The following ANK2 variants were observed in gnomAD, a reference collection of about 807,000 sequenced individuals.
The protein encoded by ANK2 is ankyrin 2.
A neutral mutation model predicts 360.5 loss-of-function variants in ANK2; 83 were observed. The observed-to-expected ratio is 0.23, with a 90% CI of 0.19 to 0.28. The LOEUF is 0.28. Among genes scored for constraint, ANK2 ranks in the 10% least tolerant of loss-of-function variants. The probability of loss-of-function intolerance (pLI) is 1.00; values close to 1 mark genes in which losing one functional copy is unlikely to be tolerated. For missense variants in ANK2, 4,201 were observed against 4,795.7 expected, an observed-to-expected ratio of 0.88 and a Z score of 3.66; for synonymous variants, 1,740 against 1,759.5, an observed-to-expected ratio of 0.99 and a Z score of 0.28.
At chr4:113,130,388 G>A (rs1427291196) in intron 1 of ANK2, among the ~76,000 whole-genome samples, 1 of 151,508 alleles carries the variant, frequency 6.6e-6, no homozygotes, top group South Asian at 2.1e-4. Context: ...AATTTATCTT[G>A]GTAAAATATT....
intron 1 of ANK2, among the ~76,000 whole-genome samples, chr4:112,834,150 A>G (rs1579311986): frequency 6.6e-6 from 1 of 152,058 alleles, no homozygotes. Context: ...CGTATAATGG[A>G]CCCCCAGGTA....
chr4:112,791,249 G>T, the ANK2 span, among the ~76,000 whole-genome samples: 5 of 152,140 alleles, frequency 3.3e-5, no homozygotes, highest in Admixed American at 6.5e-5. Context: ...CACCTGTCTG[G>T]AATATTGTAG....
chr4:113,187,932 T>C (rs1017552712), intron 2 of ANK2, among the ~76,000 whole-genome samples: 2 of 152,206 alleles, frequency 1.3e-5, no homozygotes, highest in Non-Finnish European at 2.9e-5. Flanking sequence ...GTTTATTGCA[T>C]GCCTATTACA....
intron 2 of ANK2, among the ~76,000 whole-genome samples, chr4:112,906,055 T>G (rs941273712): frequency 6.6e-6 from 1 of 152,234 alleles, no homozygotes; most frequent in African/African-American, 2.4e-5. Context: ...TTTGCTTCAT[T>G]TGAGACTTCC....
chr4:112,719,512 A>G, the ANK2 span, among the ~76,000 whole-genome samples: 1 of 152,018 alleles, frequency 6.6e-6, no homozygotes. Context: ...GTGGATCACG[A>G]GGTCAGGAGA....
chr4:113,357,261 A>G lies in ANK2; in HGVS notation c.8643A>G (p.Glu2881=), dbSNP rs1157740411. 3.7e-6 allele frequency: 6 copies of G among 1,613,972 alleles called. No individual in the cohort carries two copies. The African/African-American group carries it at 8.0e-5, about 22-fold the overall frequency. The change falls in exon 38 of 46, where the codon GAA becomes GAG. Residue 2881 remains glutamate (E), a synonymous_variant. Transcript: ENST00000357077. ...AAACAGAGGTCACAAAAACTGATGAAACATTTGAGAACTTACCAAAGGACT... is the reference window on the plus strand; with the variant it reads ...AAACAGAGGTCACAAAAACTGATGAGACATTTGAGAACTTACCAAAGGACT... The part of the protein sequence containing the change: ...IQKTEVTKTD[E]TFENLPKDCP...
At chr4:112,775,142 G>T in the ANK2 span, among the ~76,000 whole-genome samples, 1 of 152,122 alleles carries the variant, frequency 6.6e-6, no homozygotes, top group Non-Finnish European at 1.5e-5. Flanking sequence ...AGAGAGTAGG[G>T]CATAAAGAGA....
chr4:112,772,612 G>A, the ANK2 span, among the ~76,000 whole-genome samples: 1 of 152,152 alleles, frequency 6.6e-6, no homozygotes, highest in African/African-American at 2.4e-5. Context: ...TCAAGAAATA[G>A]TCTGAAGGGA....
At chr4:113,279,679 TAATA>T (rs2061517081) in intron 17 of ANK2, among the ~76,000 whole-genome samples, 1 of 148,468 alleles carries the variant, frequency 6.7e-6, no homozygotes, top group Non-Finnish European at 1.5e-5. Context: ...ATGTTCTGTA[TAATA>T]TATATTTTAT....
the ANK2 span, among the ~76,000 whole-genome samples, chr4:112,758,121 T>C: frequency 6.6e-6 from 1 of 151,880 alleles, no homozygotes; most frequent in Non-Finnish European, 1.5e-5. Flanking sequence ...TGTTGGTCAC[T>C]CAGGTCCCGA....
intron 1 of ANK2, among the ~76,000 whole-genome samples, chr4:113,171,255 G>C (rs201497264): frequency 6.6e-6 from 1 of 152,246 alleles, no homozygotes; most frequent in East Asian, 1.9e-4. Context: ...TTTCATCTCT[G>C]TGTTGATTGA....
At chr4:112,819,125 A>C (rs1468766378) in intron 1 of ANK2, among the ~76,000 whole-genome samples, 1 of 152,194 alleles carries the variant, frequency 6.6e-6, no homozygotes, top group Non-Finnish European at 1.5e-5. Context: ...GAATAAATTC[A>C]ATAACATCTT....
intron 1 of ANK2, among the ~76,000 whole-genome samples, chr4:112,885,337 A>G (rs1048007992): frequency 6.6e-6 from 1 of 151,216 alleles, no homozygotes; most frequent in Non-Finnish European, 1.5e-5. Flanking sequence ...TGTCTCTACT[A>G]AAAATATAAA....
chr4:112,912,178 A>G (rs77364379), intron 2 of ANK2, among the ~76,000 whole-genome samples: 10 of 147,464 alleles, frequency 6.8e-5, no homozygotes, highest in Non-Finnish European at 1.4e-4. Flanking sequence ...CTCCGTTTCA[A>G]AAAAAAAAAA....
chr4:113,144,961 A>T (rs1189481846), intron 1 of ANK2, among the ~76,000 whole-genome samples: 1 of 151,840 alleles, frequency 6.6e-6, no homozygotes, highest in African/African-American at 2.4e-5. Flanking sequence ...TGCTATGCTC[A>T]TCTCAGTGGG....
intron 4 of ANK2, among the ~76,000 whole-genome samples, chr4:113,207,252 A>T (rs948908380): frequency 6.6e-6 from 1 of 152,260 alleles, no homozygotes; most frequent in Non-Finnish European, 1.5e-5. Context: ...GATGGTATGG[A>T]AAGGCTGAAT....
intron 2 of ANK2, among the ~76,000 whole-genome samples, chr4:112,995,789 G>A (rs1561459751): frequency 6.6e-6 from 1 of 152,148 alleles, no homozygotes; most frequent in Non-Finnish European, 1.5e-5. Flanking sequence ...TAGGGGTCCA[G>A]TTGTATTCTT....
At chr4:113,206,961 T>C (rs1026559214) in intron 4 of ANK2, among the ~76,000 whole-genome samples, 6 of 152,032 alleles carry the variant, frequency 3.9e-5, no homozygotes, top group Non-Finnish European at 7.4e-5. Context: ...GAGGCAGAGG[T>C]TGCAGTGAGC....
chr4:113,230,608 C>A (rs192631732), intron 4 of ANK2, among the ~76,000 whole-genome samples: 26 of 152,272 alleles, frequency 1.7e-4, no homozygotes, highest in African/African-American at 6.0e-4. Flanking sequence ...GCATGGAAAG[C>A]TTAAGGAATC....
Sources: allele counts gnomAD v4.1 joint callset (sites outside exome capture counted in the v4.1 genomes callset), GRCh38; gene constraint gnomAD v4.1.1; transcripts MANE v1.5; gene names NCBI Gene and HGNC (gene_info 2026-07-23, HGNC 2026-07-21).